Variants in DPH6 observed in about 807,000 individuals in gnomAD.
DPH6 encodes the protein diphthine--ammonia ligase.
DPH6 carries 33 observed loss-of-function variants against 38.2 expected under a neutral mutation model. The observed-to-expected ratio is 0.86, with a 90% CI of 0.65 to 1.15. The LOEUF is 1.15. DPH6 is among the 50% of genes most tolerant of loss of function. The pLI is 0.00. For synonymous variants in DPH6, 108 were observed against 103.0 expected, an observed-to-expected ratio of 1.05 and a Z score of -0.30; for missense variants, 325 against 320.0, an observed-to-expected ratio of 1.02 and a Z score of -0.12.
chr15:35,535,343 T>A (rs1207925709), intron 3 of DPH6, among the ~76,000 whole-genome samples: 1 of 151,868 alleles, frequency 6.6e-6, no homozygotes, highest in East Asian at 1.9e-4. Flanking sequence ...TTCAACCAAA[T>A]CAATAAAATA....
At chr15:35,335,699 T>C (rs1246274096) in intron 3 of DPH6, among the ~76,000 whole-genome samples, 2 of 152,196 alleles carry the variant, frequency 1.3e-5, no homozygotes, top group Admixed American at 6.6e-5. Flanking sequence ...ATTGTATGTG[T>C]GCAGACTTAT....
chr15:35,425,664 A>C (rs1478834188), intron 5 of DPH6, among the ~76,000 whole-genome samples: 1 of 124,882 alleles, frequency 8.0e-6, no homozygotes, highest in African/African-American at 3.8e-5. Flanking sequence ...TATATATGGA[A>C]GTGTGTGTGT....
chr15:35,392,007 A>G (rs2053066107), intron 6 of DPH6, among the ~76,000 whole-genome samples: 1 of 136,284 alleles, frequency 7.3e-6, no homozygotes, highest in Non-Finnish European at 1.6e-5. Flanking sequence ...ACATATAGCT[A>G]AAGTGTGCTG....
At chr15:35,159,583 G>A in the DPH6 span, among the ~76,000 whole-genome samples, 1 of 151,978 alleles carries the variant, frequency 6.6e-6, no homozygotes, top group Admixed American at 6.6e-5. Context: ...GAACTGCAGA[G>A]AAAAGGAAAC....
intron 5 of DPH6, among the ~76,000 whole-genome samples, chr15:35,449,931 A>G (rs975057493): frequency 2.6e-5 from 4 of 152,130 alleles, no homozygotes; most frequent in Non-Finnish European, 5.9e-5. Context: ...TGCAAGGTAA[A>G]CACTTTCAAA....
chr15:35,210,003 A>G, the DPH6 span, among the ~76,000 whole-genome samples: 1 of 152,156 alleles, frequency 6.6e-6, no homozygotes, highest in South Asian at 2.1e-4. Flanking sequence ...ATAACATTTC[A>G]TAACAGTGAG....
At chr15:35,199,098 T>G in the DPH6 span, among the ~76,000 whole-genome samples, 1 of 152,042 alleles carries the variant, frequency 6.6e-6, no homozygotes, top group Admixed American at 6.6e-5. Flanking sequence ...TTTTGTATTT[T>G]TAGGAGAGAT....
chr15:35,461,589 T>C (rs1000979042), intron 3 of DPH6, among the ~76,000 whole-genome samples: 4 of 152,078 alleles, frequency 2.6e-5, no homozygotes, highest in African/African-American at 7.2e-5. Context: ...GTGATCTTTT[T>C]TTTTTTTTTA....
chr15:35,478,366 T>TACCC (rs2054286213), intron 3 of DPH6, among the ~76,000 whole-genome samples: 1 of 142,062 alleles, frequency 7.0e-6, no homozygotes, highest in South Asian at 2.2e-4. Flanking sequence ...TACCCACACA[T>TACCC]ACACACACAC....
intron 6 of DPH6, among the ~76,000 whole-genome samples, chr15:35,408,658 C>A (rs906659495): frequency 6.6e-6 from 1 of 151,900 alleles, no homozygotes; most frequent in Non-Finnish European, 1.5e-5. Context: ...AGGAGAAAAA[C>A]TAGGAGAGTG....
chr15:35,333,542 T>C (rs1334054004), intron 3 of DPH6, among the ~76,000 whole-genome samples: 1 of 152,136 alleles, frequency 6.6e-6, no homozygotes, highest in Non-Finnish European at 1.5e-5. Context: ...AGTTAATACA[T>C]AAATTAATAA....
intron 3 of DPH6, chr15:35,237,965 G>C (rs375755394): frequency 7.0e-7 from 1 of 1,425,948 alleles, no homozygotes; most frequent in South Asian, 1.2e-5. Context: ...TAACGATGGA[G>C]AGGTTGATGA....
chr15:35,390,047 A>C (rs1298335812), intron 6 of DPH6, among the ~76,000 whole-genome samples: 1 of 152,168 alleles, frequency 6.6e-6, no homozygotes, highest in Non-Finnish European at 1.5e-5. Flanking sequence ...GTGGTGACAA[A>C]AATCTCTCAG....
At chr15:35,456,870 C>T (rs1028105752) in intron 3 of DPH6, among the ~76,000 whole-genome samples, 2 of 152,172 alleles carry the variant, frequency 1.3e-5, no homozygotes, top group African/African-American at 2.4e-5. Context: ...TAATGCTCAT[C>T]ACAACCCTAA....
intron 3 of DPH6, among the ~76,000 whole-genome samples, chr15:35,494,659 T>C (rs2054525117): frequency 1.3e-5 from 2 of 152,096 alleles, no homozygotes; most frequent in Admixed American, 6.6e-5. Context: ...TGAACAATTG[T>C]TCAATATGAA....
At chr15:35,512,736 A>G (rs968517164) in intron 3 of DPH6, among the ~76,000 whole-genome samples, 1 of 152,230 alleles carries the variant, frequency 6.6e-6, no homozygotes, top group Middle Eastern at 3.4e-3. Flanking sequence ...TTAAAAAAAG[A>G]CTTTGAATTT....
chr15:35,160,045 A>G, the DPH6 span, among the ~76,000 whole-genome samples: 2 of 152,064 alleles, frequency 1.3e-5, no homozygotes, highest in African/African-American at 4.8e-5. Context: ...AGAATACAAG[A>G]AGGGAGAAGA....
At chr15:35,300,853 T>C (rs2052049865) in intron 3 of DPH6, among the ~76,000 whole-genome samples, 1 of 152,194 alleles carries the variant, frequency 6.6e-6, no homozygotes, top group Admixed American at 6.5e-5. Context: ...GGCATCATCA[T>C]TATGATGAGT....
intron 6 of DPH6, among the ~76,000 whole-genome samples, chr15:35,385,339 T>C (rs933545495): frequency 6.6e-6 from 1 of 152,092 alleles, no homozygotes; most frequent in African/African-American, 2.4e-5. Flanking sequence ...TGCAGCACGG[T>C]CACAATAGCA....
Sources: gnomAD v4.1 joint callset for allele counts (sites outside exome capture counted in the v4.1 genomes callset) on GRCh38, gnomAD v4.1.1 for gene constraint, MANE v1.5 for transcripts, NCBI Gene and HGNC (gene_info 2026-07-23, HGNC 2026-07-21) for gene names.